PCDHGB3: variants seen among roughly 807,000 people sequenced by gnomAD.
PCDHGB3 encodes protocadherin gamma-B3.
Under a neutral mutation model 59.2 loss-of-function variants are expected in PCDHGB3, and 40 were observed. That is an observed-to-expected ratio of 0.68 (90% CI 0.52 to 0.88). PCDHGB3 has a LOEUF of 0.88. PCDHGB3 is among the 40% of genes least tolerant of loss of function. The probability of loss-of-function intolerance (pLI) is 0.00; values close to 1 mark genes in which losing one functional copy is unlikely to be tolerated. For missense variants in PCDHGB3, 1,309 were observed against 1,187.9 expected (o/e 1.10, Z -1.50); for synonymous variants, 581 against 503.6 (o/e 1.15, Z -2.06).
rs2154532733 is a variant in PCDHGB3, at chr5:141,403,281, T to C, written c.2415+30472T>C. ...TGTCTGGTGAACTTTAAAGTCCTGGTTGAAGACAGAGTGAAACTGTACGGA... is the reference window on the plus strand; with the variant it reads ...TGTCTGGTGAACTTTAAAGTCCTGGCTGAAGACAGAGTGAAACTGTACGGA... On this transcript the variant is annotated intron_variant, in intron 1 of 3. Transcript: ENST00000576222. The C allele has an allele frequency of 2.5e-6, 4 of 1,613,908 alleles. No individual in the cohort carries two copies. Among genetic ancestry groups the C allele is most frequent in the African/African-American group, 1.3e-5 (1 of 75,080 alleles).
At position 141,432,851 on chromosome 5, in the gene PCDHGB3, G is replaced by T. The variant is rs561153330; in HGVS notation, c.2415+60042G>T. 8 of 1,614,198 alleles carry T rather than the reference G, an allele frequency of 5.0e-6. No homozygotes were observed. In the African/African-American group the frequency reaches 9.3e-5, roughly 19 times the overall value. ...CACTCTGTACCTGGTGGTAGCGGTG[G>T]CCGCGGTCTCCTGCGTCTTCCTGGC... On this transcript the variant is annotated intron_variant, in intron 1 of 3. Transcript: ENST00000576222. This position sits in a 1 kb window ranked among gnomAD's most constrained non-coding sequence, Gnocchi z 6.0.
intron 1 of PCDHGB3, chr5:141,478,289 G>A (rs1210628852): frequency 1.2e-6 from 2 of 1,614,146 alleles, no homozygotes; most frequent in African/African-American, 2.7e-5. Context: ...GCAGTCTAGA[G>A]ACCTATACCG....
At chr5:141,407,309 A>C (rs1197028846) in intron 1 of PCDHGB3, among the ~76,000 whole-genome samples, 1 of 152,240 alleles carries the variant, frequency 6.6e-6, no homozygotes, top group African/African-American at 2.4e-5. Flanking sequence ...AGTAGCCTTC[A>C]TACTTAGTAT....
intron 1 of PCDHGB3, chr5:141,410,304 T>C (rs1232480024): frequency 6.2e-7 from 1 of 1,614,024 alleles, no homozygotes; most frequent in Non-Finnish European, 8.5e-7. Context: ...TTAATCTCAG[T>C]GCTCTTCCTC....
At position 141,431,549 on chromosome 5, in the gene PCDHGB3, G is replaced by A. The variant is rs750427346; in HGVS notation, c.2415+58740G>A. ...GGCCTTGGGCACGCAGCTGCTTGTA[G>A]TCAACGCTACCGACCCTGACGAAGG... On this transcript the variant is annotated intron_variant, in intron 1 of 3. Coordinates refer to ENST00000576222, the MANE Select transcript of PCDHGB3 (RefSeq NM_018924.5). This position sits in a 1 kb window ranked among gnomAD's most constrained non-coding sequence, Gnocchi z 4.8. The A allele has an allele frequency of 6.2e-7, 1 of 1,614,156 alleles. No homozygotes were observed. Among genetic ancestry groups the A allele is most frequent in the South Asian group, 1.1e-5 (1 of 91,090 alleles).
At chr5:141,409,317 G>A in intron 1 of PCDHGB3, 2 of 1,613,940 alleles carry the variant, frequency 1.2e-6, no homozygotes, top group Non-Finnish European at 1.7e-6. Flanking sequence ...TTCAAAACAC[G>A]GGATCTGGAT....
Position 141,431,137 on chromosome 5 carries a change from T to G in PCDHGB3, c.2415+58328T>G. 3 of 1,614,212 alleles carry G rather than the reference T, an allele frequency of 1.9e-6. No individual in the cohort carries two copies. The highest frequency in any genetic ancestry group is 2.2e-5 in the South Asian group (2 of 91,084). On this transcript the variant is annotated intron_variant, in intron 1 of 3. Coordinates refer to ENST00000576222, the MANE Select transcript of PCDHGB3 (RefSeq NM_018924.5). This position sits in a 1 kb window ranked among gnomAD's most constrained non-coding sequence, Gnocchi z 4.8. Reference sequence around the variant, plus strand: ...GAGTAGAAGTAGAAGTAAGGGACATTAACGACAATGCGCCTTACTTTCGTG... The same window carrying G: ...GAGTAGAAGTAGAAGTAAGGGACATGAACGACAATGCGCCTTACTTTCGTG...
intron 1 of PCDHGB3, 157 bp from the exon 2 acceptor site, chr5:141,494,645 GTGTAT>G: frequency 1.1e-6 from 1 of 935,948 alleles, no homozygotes; most frequent in Non-Finnish European, 1.3e-6. Context: ...GAGACCTGAG[GTGTAT>G]TTTGTCTTTG....
Position 141,475,063 on chromosome 5 carries a change from C to T in PCDHGB3, c.2416-19744C>T, listed in dbSNP as rs552623067. Among the ~76,000 whole-genome samples the T allele has an allele frequency of 1.1e-4, 16 of 152,320 alleles. No individual in the cohort carries two copies. The South Asian group carries it at 2.9e-3, about 28-fold the overall frequency. The stretch of plus-strand genomic sequence containing the variant: ...TTGTATTTTCTAAAGATTTGTGGAG[C>T]TTTGCTGCCATTATTTCAATAATTT... On this transcript the variant is annotated intron_variant, in intron 1 of 3. Coordinates refer to ENST00000576222, the MANE Select transcript of PCDHGB3 (RefSeq NM_018924.5).
rs539878473 is a variant in PCDHGB3 at position 141,501,595 on chromosome 5, C to T, written c.2475-3798C>T. Reference sequence around the variant, plus strand: ...GCTGGCTTTCAGGTTGCAACTCTACCAGTTCCAGCTGTGTGACTCTGGTAT... The same window carrying T: ...GCTGGCTTTCAGGTTGCAACTCTACTAGTTCCAGCTGTGTGACTCTGGTAT... On this transcript the variant is annotated intron_variant, in intron 2 of 3. Coordinates refer to ENST00000576222, the MANE Select transcript of PCDHGB3 (RefSeq NM_018924.5). Among the ~76,000 whole-genome samples the T allele has an allele frequency of 9.9e-5, 15 of 152,164 alleles. No homozygotes were observed. In the East Asian group the frequency reaches 2.9e-3, roughly 30 times the overall value.
Position 141,432,951 on chromosome 5 carries a change from G to T in PCDHGB3, c.2415+60142G>T, listed in dbSNP as rs758046420. 1.2e-6 allele frequency: 2 copies of T among 1,614,178 alleles called. No individual in the cohort carries two copies. The highest frequency in any genetic ancestry group is 4.5e-5 in the East Asian group (2 of 44,858). On this transcript the variant is annotated intron_variant, in intron 1 of 3. Coordinates refer to ENST00000576222, the MANE Select transcript of PCDHGB3 (RefSeq NM_018924.5). This position sits in a 1 kb window ranked among gnomAD's most constrained non-coding sequence, Gnocchi z 6.0. ...CGCCTGCTGCAGGCTTCAGGAGGCGGCTTGACAGGAGCGCCGGCGTCGCAC... is the reference window on the plus strand; with the variant it reads ...CGCCTGCTGCAGGCTTCAGGAGGCGTCTTGACAGGAGCGCCGGCGTCGCAC...
In PCDHGB3 at chr5:141,486,487, C is replaced by T; in HGVS notation, c.2416-8320C>T. ...CTGGGAACCCTCCTCTCAGTACCCA[C>T]AGAACTATTTTCCTCAATATTTCAG... On this transcript the variant is annotated intron_variant, in intron 1 of 3. Coordinates refer to ENST00000576222, the MANE Select transcript of PCDHGB3 (RefSeq NM_018924.5). This position sits in a 1 kb window ranked among gnomAD's most constrained non-coding sequence, Gnocchi z 5.0. 1 of 1,614,086 alleles carries T rather than the reference C, an allele frequency of 6.2e-7. No individual in the cohort carries two copies. Among genetic ancestry groups the T allele is most frequent in the Non-Finnish European group, 8.5e-7 (1 of 1,179,918 alleles).
chr5:141,375,016 C>T (rs939863882), intron 1 of PCDHGB3: 3 of 1,613,992 alleles, frequency 1.9e-6, no homozygotes, highest in Non-Finnish European at 1.7e-6. Flanking sequence ...ACTATGAGGA[C>T]TCGAGTTTTT....
chr5:141,399,562 T>G (rs764432886), intron 1 of PCDHGB3: 1 of 1,613,898 alleles, frequency 6.2e-7, no homozygotes, highest in East Asian at 2.2e-5. Flanking sequence ...GGACTTGGGG[T>G]TGAACGGCCA....
rs754462129 is a variant in PCDHGB3, at chr5:141,490,693, G to T, written c.2416-4114G>T. 6.2e-7 allele frequency: 1 copy of T among 1,614,170 alleles called. No homozygotes were observed. Among genetic ancestry groups the T allele is most frequent in the South Asian group, 1.1e-5 (1 of 91,072 alleles). On this transcript the variant is annotated intron_variant, in intron 1 of 3. Transcript: ENST00000576222. This position sits in a 1 kb window ranked among gnomAD's most constrained non-coding sequence, Gnocchi z 5.4. Reference sequence around the variant, plus strand: ...GGCTGCCTCAGATCCAGACACTGGGGATAATGCCCGCCTCACCTACTCCAT... The same window carrying T: ...GGCTGCCTCAGATCCAGACACTGGGTATAATGCCCGCCTCACCTACTCCAT...
At chr5:141,420,222 TG>T in intron 1 of PCDHGB3, 1 of 1,604,490 alleles carries the variant, frequency 6.2e-7, no homozygotes, top group East Asian at 2.2e-5. Flanking sequence ...AGCATGCTAC[TG>T]GCTAGCATTT....
intron 1 of PCDHGB3, chr5:141,408,732 A>AT: frequency 2.5e-6 from 4 of 1,610,016 alleles, no homozygotes; most frequent in Non-Finnish European, 3.4e-6. Context: ...TCTAATCCTT[A>AT]TTTTTCATTA....
intron 1 of PCDHGB3, chr5:141,413,019 C>T (rs1056458163): frequency 2.9e-6 from 2 of 683,106 alleles, no homozygotes; most frequent in Non-Finnish European, 4.7e-6. Flanking sequence ...ACTACACAAG[C>T]CCCACAAACC....
At chr5:141,436,318 CTG>C (rs1309397202) in intron 1 of PCDHGB3, among the ~76,000 whole-genome samples, 1 of 152,154 alleles carries the variant, frequency 6.6e-6, no homozygotes, top group Non-Finnish European at 1.5e-5. Flanking sequence ...ATAGTCAAGA[CTG>C]TTAGACCATA....
Sources: allele counts gnomAD v4.1 joint callset (sites outside exome capture counted in the v4.1 genomes callset), GRCh38; gene constraint gnomAD v4.1.1; non-coding constraint Gnocchi (gnomAD v3.1); transcripts MANE v1.5; gene names NCBI Gene and HGNC (gene_info 2026-07-23, HGNC 2026-07-21).